MAP3K3: variants seen among roughly 807,000 people sequenced by gnomAD.
MAP3K3 encodes the protein mitogen-activated protein kinase kinase kinase 3.
A neutral mutation model predicts 80.9 loss-of-function variants in MAP3K3; 12 were observed. The ratio of observed to expected loss-of-function variants is 0.15; its 90% CI spans 0.10 to 0.24. MAP3K3 has a LOEUF of 0.24. Among genes scored for constraint, MAP3K3 ranks in the 10% least tolerant of loss-of-function variants. The pLI, the probability that MAP3K3 is intolerant of heterozygous loss-of-function variation, is 1.00. For synonymous variants in MAP3K3, 272 were observed against 307.1 expected (o/e 0.89, Z 1.19); for missense variants, 596 against 834.7 (o/e 0.71, Z 3.52).
intron 2 of MAP3K3, among the ~76,000 whole-genome samples, chr17:63,642,711 A>ATG (rs959203445): frequency 1.3e-5 from 2 of 151,988 alleles, no homozygotes; most frequent in African/African-American, 4.8e-5. Flanking sequence ...GAAAGCTGTT[A>ATG]TGTGTGTGTG....
chr17:63,662,414 C>T (rs2034912947), intron 5 of MAP3K3, among the ~76,000 whole-genome samples: 2 of 151,744 alleles, frequency 1.3e-5, no homozygotes, highest in African/African-American at 4.8e-5. Flanking sequence ...GACCCTGTCT[C>T]GAATAATAGT....
intron 8 of MAP3K3, among the ~76,000 whole-genome samples, chr17:63,687,210 G>GA (rs58633694): frequency 0.14 from 18,266 of 130,282 alleles, 2,209 homozygotes; most frequent in African/African-American, 0.34. Context: ...TACTAAAAAT[G>GA]AAAAAAAAAA....
intron 1 of MAP3K3, among the ~76,000 whole-genome samples, chr17:63,626,270 G>T (rs1479112383): frequency 6.6e-6 from 1 of 152,168 alleles, no homozygotes; most frequent in Admixed American, 6.5e-5. Context: ...TAAGCCCTGT[G>T]CCTGTGTTAT....
chr17:63,672,016 C>G (rs2035119290), intron 6 of MAP3K3, among the ~76,000 whole-genome samples: 1 of 151,768 alleles, frequency 6.6e-6, no homozygotes, highest in Non-Finnish European at 1.5e-5. Flanking sequence ...GGTTTGGTGG[C>G]TCACATCTGT....
Position 63,693,715 on chromosome 17 carries a change from G to C in MAP3K3, c.1819G>C (p.Ala607Pro). The C allele has an allele frequency of 6.2e-7, 1 of 1,603,822 alleles. No homozygotes were observed. The highest frequency in any genetic ancestry group is 8.5e-7 in the Non-Finnish European group (1 of 1,173,432). Reference protein sequence around the residue: ...RDFLRRIFVEARQRPSAEELL... With the variant: ...RDFLRRIFVEPRQRPSAEELL... ...CTTCCTGAGGCGCATTTTTGTGGAG[G>C]CTCGCCAGAGACCTTCAGCTGAGGA... Residue 607 changes from alanine to proline, a missense_variant, in exon 16 of 16, where the codon GCT (alanine) becomes CCT (proline). By Grantham distance (27) the Ala-to-Pro change is conservative. Coordinates refer to ENST00000361733, the MANE Select transcript of MAP3K3 (RefSeq NM_002401.5). This position sits in a 1 kb window ranked among gnomAD's most constrained non-coding sequence, Gnocchi z 4.2.
chr17:63,658,881 C>T (rs1035565692), intron 5 of MAP3K3, among the ~76,000 whole-genome samples: 1 of 151,952 alleles, frequency 6.6e-6, no homozygotes, highest in African/African-American at 2.4e-5. Context: ...ATTATAGGTG[C>T]CCGCCACCAT....
chr17:63,689,768 C>T lies in MAP3K3; in HGVS notation c.1063+33C>T, dbSNP rs1213394268. ...GCTGTCCCTGGCTAGGAGGAGACTG[C>T]CCAGGTGGTCTCAGACAAGCTACGG... On this transcript the variant is annotated intron_variant, in intron 11 of 15. Transcript: ENST00000361733. This position sits in a 1 kb window ranked among gnomAD's most constrained non-coding sequence, Gnocchi z 4.3. 14 of 1,575,266 alleles carry T rather than the reference C, an allele frequency of 8.9e-6. No homozygotes were observed. The highest frequency in any genetic ancestry group is 1.2e-5 in the Non-Finnish European group (14 of 1,155,864).
chr17:63,685,629 C>T (rs765901563), intron 8 of MAP3K3, 39 bp downstream of exon 8: 44 of 1,559,288 alleles, frequency 2.8e-5, no homozygotes, highest in Non-Finnish European at 3.6e-5. Flanking sequence ...AATGCATAGG[C>T]ATTTTTGGAA....
rs188792883 is a variant in MAP3K3, at chr17:63,647,284, G to C, written c.167+1210G>C. On this transcript the variant is annotated intron_variant, in intron 3 of 15. Coordinates refer to ENST00000361733, the MANE Select transcript of MAP3K3 (RefSeq NM_002401.5). ...GAGGAAGGTCTGAGCTCTGTCCCCAGCTGCTCTTCCTGTGTCCTGCCATTA... is the reference window on the plus strand; with the variant it reads ...GAGGAAGGTCTGAGCTCTGTCCCCACCTGCTCTTCCTGTGTCCTGCCATTA... Among the ~76,000 whole-genome samples, 10 of 152,296 alleles carry C rather than the reference G, an allele frequency of 6.6e-5. No individual in the cohort carries two copies. In the East Asian group the frequency reaches 1.9e-3, roughly 29 times the overall value.
At chr17:63,643,985 A>T (rs1220870827) in intron 2 of MAP3K3, among the ~76,000 whole-genome samples, 1 of 152,178 alleles carries the variant, frequency 6.6e-6, no homozygotes, top group African/African-American at 2.4e-5. Context: ...TTTACAAGCG[A>T]TATGACCTGA....
chr17:63,682,156 C>T (rs1209711049), intron 7 of MAP3K3, among the ~76,000 whole-genome samples: 1 of 152,206 alleles, frequency 6.6e-6, no homozygotes, highest in African/African-American at 2.4e-5. Context: ...GATTTTTCTT[C>T]ATCGTGGTCC....
chr17:63,634,677 A>C, intron 2 of MAP3K3: 3 of 1,572,158 alleles, frequency 1.9e-6, no homozygotes, highest in Non-Finnish European at 2.6e-6. Context: ...GAAGGATACA[A>C]ATTATTAACC....
At chr17:63,673,952 C>G (rs1265954842) in intron 6 of MAP3K3, among the ~76,000 whole-genome samples, 4 of 151,964 alleles carry the variant, frequency 2.6e-5, no homozygotes, top group Admixed American at 6.6e-5. Flanking sequence ...TGGTCGTGCG[C>G]ATCTGTAATC....
At chr17:63,667,153 T>C in intron 6 of MAP3K3, 93 bp downstream of exon 6, 1 of 1,355,326 alleles carries the variant, frequency 7.4e-7, no homozygotes, top group African/African-American at 1.5e-5. Context: ...AATCATCAAA[T>C]ATTTATTAAC....
Position 63,688,857 on chromosome 17 carries a change from G to A in MAP3K3, c.847G>A (p.Val283Met), listed in dbSNP as rs1323902778. Reference sequence around the variant, plus strand: ...CTACCCCCGGCGCTACCACGTGTCTGTGCACCACAAGGACTACAGTGATGG... The same window carrying A: ...CTACCCCCGGCGCTACCACGTGTCTATGCACCACAAGGACTACAGTGATGG... ...GTYPRRYHVS[V>M]HHKDYSDGRR... The change falls in exon 10 of 16, where the codon GTG (valine) becomes ATG (methionine). Residue 283 changes from valine (V) to methionine (M), a missense_variant. Coordinates refer to ENST00000361733, the MANE Select transcript of MAP3K3 (RefSeq NM_002401.5). 2 of 1,613,980 alleles carry A rather than the reference G, an allele frequency of 1.2e-6. No individual in the cohort carries two copies. The highest frequency in any genetic ancestry group is 1.7e-6 in the Non-Finnish European group (2 of 1,179,878).
chr17:63,680,582 A>AG (rs554027888), intron 6 of MAP3K3, among the ~76,000 whole-genome samples: 7 of 152,208 alleles, frequency 4.6e-5, no homozygotes, highest in Non-Finnish European at 8.8e-5. Context: ...GCTAGGAGGA[A>AG]GGAGGACCTG....
rs1422533446 is a variant in MAP3K3, at chr17:63,689,555, T to C, written c.883T>C (p.Phe295Leu). ...HKDYSDGRRT[F>L]PRIRRHQGNL... ...TTGCACCCTTTCAGGCAGAAGAACA[T>C]TTCCCCGAATACGGCGTCATCAAGG... The change falls in exon 11 of 16, where the codon TTT (phenylalanine) becomes CTT (leucine). Residue 295 changes from phenylalanine (F) to leucine (L), a missense_variant. By Grantham distance (22) the Phe-to-Leu change is conservative. This residue lies in a region of MAP3K3 where 364 missense variants were observed against 588.9 expected (regional missense o/e 0.62). Transcript: ENST00000361733. The surrounding 1 kb of genome is among the most constrained non-coding windows in gnomAD (Gnocchi z 4.3). The C allele has an allele frequency of 1.2e-6, 2 of 1,613,170 alleles. No homozygotes were observed. Among genetic ancestry groups the C allele is most frequent in the South Asian group, 2.2e-5 (2 of 90,898 alleles).
intron 8 of MAP3K3, among the ~76,000 whole-genome samples, chr17:63,687,933 C>CA (rs774512741): frequency 0.024 from 3,338 of 137,058 alleles, 79 homozygotes; most frequent in African/African-American, 0.066. Flanking sequence ...GACTCCATCT[C>CA]AAAAAAAAAA....
chr17:63,646,015 C>A lies in MAP3K3; in HGVS notation c.127-19C>A. On this transcript the variant is annotated intron_variant, in intron 2 of 15. Transcript: ENST00000361733. ...CATTCCAGAGAATTCTCTAACCTGT[C>A]TATCATTCTTTTTGGCAGAGTGACG... 6.2e-7 allele frequency: 1 copy of A among 1,611,436 alleles called. No homozygotes were observed. Among genetic ancestry groups the A allele is most frequent in the South Asian group, 1.1e-5 (1 of 90,994 alleles).
Sources: gnomAD v4.1 joint callset for allele counts (sites outside exome capture counted in the v4.1 genomes callset) on GRCh38, gnomAD v4.1.1 for gene constraint, gnomAD v4.1.1 regional missense constraint, Gnocchi (gnomAD v3.1) non-coding constraint, MANE v1.5 for transcripts, NCBI Gene and HGNC (gene_info 2026-07-23, HGNC 2026-07-21) for gene names.